Variants in PTP4A3 observed in about 807,000 individuals in gnomAD.
PTP4A3 encodes the protein protein tyrosine phosphatase type IVA 3.
In PTP4A3, 9 loss-of-function variants were observed where a neutral mutation model predicts 15.2. That is an observed-to-expected ratio of 0.59 (90% CI 0.36 to 1.03). The LOEUF is 1.03. Ranked by LOEUF, PTP4A3 falls within the 50% of genes least tolerant of loss-of-function variation. The pLI is 0.02. For synonymous variants in PTP4A3, 95 were observed against 102.0 expected (o/e 0.93, Z 0.41); for missense variants, 234 against 252.1 (o/e 0.93, Z 0.49).
intron 1 of PTP4A3, among the ~76,000 whole-genome samples, chr8:141,410,269 G>A (rs578080388): frequency 2.6e-5 from 4 of 152,384 alleles, no homozygotes; most frequent in South Asian, 4.1e-4. Flanking sequence ...GAGTGGGGCT[G>A]GCCCAATCTG....
intron 1 of PTP4A3, among the ~76,000 whole-genome samples, chr8:141,421,124 C>CTG (rs1435847678): frequency 6.6e-6 from 1 of 152,222 alleles, no homozygotes; most frequent in Non-Finnish European, 1.5e-5. Flanking sequence ...CCTGTCCCCT[C>CTG]TGTCCTCCGT....
At chr8:141,428,740 G>A (rs1833702168) in intron 5 of PTP4A3, among the ~76,000 whole-genome samples, 1 of 152,210 alleles carries the variant, frequency 6.6e-6, no homozygotes, top group South Asian at 2.1e-4. Flanking sequence ...GACACGCATG[G>A]GGGTCATACA....
At chr8:141,395,653 C>T (rs1479908636) in intron 1 of PTP4A3, among the ~76,000 whole-genome samples, 1 of 143,518 alleles carries the variant, frequency 7.0e-6, no homozygotes, top group African/African-American at 2.7e-5. Flanking sequence ...TCCTGCAGCC[C>T]CCGTTCATCT....
chr8:141,422,296 TC>T lies in PTP4A3; in HGVS notation c.58del (p.Leu20SerfsTer18), dbSNP rs1833370212. On this transcript the variant is annotated frameshift_variant, in exon 2 of 6. Transcript: ENST00000521578. LOFTEE classifies it high-confidence loss of function. ...GAGGTGAGCTACAAACACATGCGCTTCCTCATCACCCACAACCCCACCAACG... is the reference window on the plus strand; with the variant it reads ...GAGGTGAGCTACAAACACATGCGCTTCTCATCACCCACAACCCCACCAACG... Reference protein sequence around the residue: ...PVEVSYKHMRFLITHNPTNAT... With the variant: ...PVEVSYKHMRXLITHNPTNAT... 1 of 1,613,286 alleles carries T rather than the reference TC, an allele frequency of 6.2e-7. No individual in the cohort carries two copies. The highest frequency in any genetic ancestry group is 2.2e-5 in the East Asian group (1 of 44,878).
rs771985683 is a variant in PTP4A3 at position 141,422,202 on chromosome 8, G to A, written c.-39G>A. 2 of 1,605,696 alleles carry A rather than the reference G, an allele frequency of 1.2e-6. No homozygotes were observed. Among genetic ancestry groups the A allele is most frequent in the Non-Finnish European group, 1.7e-6 (2 of 1,173,760 alleles). Reference sequence around the variant, plus strand: ...TCAGGTCGTGTCCCCAGCCTTCTCTGCAGTCCCTTCTGCCCTGCCGGGCCC... The same window carrying A: ...TCAGGTCGTGTCCCCAGCCTTCTCTACAGTCCCTTCTGCCCTGCCGGGCCC... On this transcript the variant is annotated 5_prime_UTR_variant, in exon 2 of 6. Coordinates refer to ENST00000521578, the MANE Select transcript of PTP4A3 (RefSeq NM_032611.3).
In PTP4A3 at chr8:141,431,194, A is replaced by G. The variant is rs1352373682; in HGVS notation, c.*150A>G. ...CTTTTCCTCCCCGACACCTCCGTGC[A>G]CTTGTGTCCGAGGAGCGAGGAGCCC... On this transcript the variant is annotated 3_prime_UTR_variant, in exon 6 of 6. Transcript: ENST00000521578. The G allele has an allele frequency of 4.2e-6, 3 of 719,140 alleles. No homozygotes were observed. The highest frequency in any genetic ancestry group is 5.2e-5 in the Admixed American group (2 of 38,444). The allele number at this position is 719,140 out of a possible 1,614,324, so 44.5% of individuals were successfully genotyped here.
chr8:141,417,702 C>G (rs1416482490), intron 1 of PTP4A3, among the ~76,000 whole-genome samples: 1 of 152,010 alleles, frequency 6.6e-6, no homozygotes, highest in African/African-American at 2.4e-5. Flanking sequence ...GGCAGCGCCC[C>G]CGGCCCTCGC....
chr8:141,412,949 C>T (rs1289765809), intron 1 of PTP4A3, among the ~76,000 whole-genome samples: 1 of 152,232 alleles, frequency 6.6e-6, no homozygotes, highest in African/African-American at 2.4e-5. Flanking sequence ...GCCTCATGCC[C>T]TTCCCCTGTT....
At chr8:141,396,169 G>C (rs1437431307) in intron 1 of PTP4A3, among the ~76,000 whole-genome samples, 1 of 152,222 alleles carries the variant, frequency 6.6e-6, no homozygotes, top group Non-Finnish European at 1.5e-5. Context: ...TCTGGGCTGT[G>C]GGTGCCATTG....
chr8:141,394,908 G>A (rs551354684), intron 1 of PTP4A3, among the ~76,000 whole-genome samples: 1 of 152,364 alleles, frequency 6.6e-6, no homozygotes, highest in South Asian at 2.1e-4. Flanking sequence ...GGCGCCCCGC[G>A]AGTTGGGTGT....
chr8:141,401,101 C>G (rs528288520), intron 1 of PTP4A3, among the ~76,000 whole-genome samples: 1 of 152,162 alleles, frequency 6.6e-6, no homozygotes, highest in Non-Finnish European at 1.5e-5. Context: ...GGCCAGCAGC[C>G]GGAGCTCACC....
chr8:141,417,085 C>T (rs2130027547), intron 1 of PTP4A3, among the ~76,000 whole-genome samples: 1 of 152,240 alleles, frequency 6.6e-6, no homozygotes, highest in East Asian at 1.9e-4. Flanking sequence ...ACATGAGTTC[C>T]CGGCACAATG....
chr8:141,416,983 T>A (rs1833080564), intron 1 of PTP4A3, among the ~76,000 whole-genome samples: 1 of 152,096 alleles, frequency 6.6e-6, no homozygotes, highest in African/African-American at 2.4e-5. Context: ...CCCTTGCCGC[T>A]CCACCCTGCT....
chr8:141,396,633 G>A (rs1413561315), intron 1 of PTP4A3, among the ~76,000 whole-genome samples: 1 of 152,188 alleles, frequency 6.6e-6, no homozygotes, highest in Non-Finnish European at 1.5e-5. Flanking sequence ...ACAGGCACAC[G>A]GGGGACAAAG....
chr8:141,415,415 G>T (rs1833000450), intron 1 of PTP4A3, among the ~76,000 whole-genome samples: 1 of 150,922 alleles, frequency 6.6e-6, no homozygotes, highest in Non-Finnish European at 1.5e-5. Context: ...CCTGTCCCCC[G>T]TGGGCCCCAG....
At chr8:141,401,401 G>T (rs555316493) in intron 1 of PTP4A3, among the ~76,000 whole-genome samples, 31 of 152,300 alleles carry the variant, frequency 2.0e-4, no homozygotes, top group Non-Finnish European at 4.3e-4. Flanking sequence ...TGGCCCTGGG[G>T]TAACTTGCCT....
intron 3 of PTP4A3, chr8:141,426,617 T>A: frequency 1.0e-6 from 1 of 985,324 alleles, no homozygotes; most frequent in Non-Finnish European, 1.2e-6. Flanking sequence ...GAACCAGAGC[T>A]CGGGCTGACA....
At chr8:141,418,181 G>A (rs1242845666) in intron 1 of PTP4A3, among the ~76,000 whole-genome samples, 1 of 152,114 alleles carries the variant, frequency 6.6e-6, no homozygotes, top group East Asian at 1.9e-4. Flanking sequence ...GGTTCCCCGG[G>A]ACTCCCCAGA....
intron 1 of PTP4A3, among the ~76,000 whole-genome samples, chr8:141,410,582 T>C (rs1230916440): frequency 6.6e-6 from 1 of 152,156 alleles, no homozygotes; most frequent in Non-Finnish European, 1.5e-5. Context: ...GAAAGGGTAA[T>C]AATGTCCCTC....
Sources: gnomAD v4.1 joint callset for allele counts (sites outside exome capture counted in the v4.1 genomes callset) on GRCh38, gnomAD v4.1.1 for gene constraint, MANE v1.5 for transcripts, NCBI Gene and HGNC (gene_info 2026-07-23, HGNC 2026-07-21) for gene names.